IPPK: variants seen among roughly 807,000 people sequenced by gnomAD.
IPPK encodes inositol-pentakisphosphate 2-kinase.
IPPK carries 22 observed loss-of-function variants against 64.6 expected under a neutral mutation model. The observed-to-expected ratio is 0.34, with a 90% confidence interval of 0.24 to 0.49. The LOEUF is 0.49. Among genes scored for constraint, IPPK ranks in the 20% least tolerant of loss-of-function variants. IPPK has a pLI of 0.99. For synonymous variants in IPPK, 262 were observed against 247.2 expected (o/e 1.06, Z -0.56); for missense variants, 532 against 630.7 (o/e 0.84, Z 1.68).
In IPPK at chr9:92,615,592, A is replaced by G; in HGVS notation, c.*240T>C. ...AGAACGTCTTCCCAGGGCTTAACGGACACTTCCATTTTAAGAGTGTGAGCA... is the reference window on the plus strand; with the variant it reads ...AGAACGTCTTCCCAGGGCTTAACGGGCACTTCCATTTTAAGAGTGTGAGCA... On this transcript the variant is annotated 3_prime_UTR_variant, in exon 13 of 13. Coordinates refer to ENST00000287996, the MANE Select transcript of IPPK (RefSeq NM_022755.6). The G allele has an allele frequency of 2.0e-6, 1 of 499,868 alleles. No homozygotes were observed. Among genetic ancestry groups the G allele is most frequent in the Non-Finnish European group, 3.6e-6 (1 of 276,048 alleles). 31.0% of individuals were successfully genotyped at this position (499,868 alleles called of 1,614,324 possible).
chr9:92,640,296 GC>G (rs1852020642), intron 8 of IPPK, among the ~76,000 whole-genome samples: 1 of 90,522 alleles, frequency 1.1e-5, no homozygotes, highest in East Asian at 2.9e-4. Context: ...ACCCTGCCCA[GC>G]CCCACCCCCA....
chr9:92,628,406 T>A (rs1851773011), intron 11 of IPPK, among the ~76,000 whole-genome samples: 1 of 152,112 alleles, frequency 6.6e-6, no homozygotes, highest in African/African-American at 2.4e-5. Flanking sequence ...AACTCACACT[T>A]CTCCATTTCA....
At chr9:92,634,750 C>T (rs779954341) in intron 10 of IPPK, among the ~76,000 whole-genome samples, 3 of 152,164 alleles carry the variant, frequency 2.0e-5, no homozygotes, top group Non-Finnish European at 4.4e-5. Context: ...GGAAGACCAG[C>T]GAGGAAGGAA....
intron 11 of IPPK, among the ~76,000 whole-genome samples, chr9:92,623,168 C>T (rs1403359576): frequency 6.6e-6 from 1 of 152,162 alleles, no homozygotes; most frequent in Non-Finnish European, 1.5e-5. Context: ...GGCACAATGA[C>T]TCACACCTGT....
intron 6 of IPPK, among the ~76,000 whole-genome samples, chr9:92,644,392 AG>A (rs1852108610): frequency 1.3e-5 from 2 of 152,294 alleles, no homozygotes; most frequent in South Asian, 4.1e-4. Context: ...AGTGAAAACC[AG>A]CTGCCCAGCA....
At chr9:92,619,929 C>CAA in intron 11 of IPPK, 2 of 299,810 alleles carry the variant, frequency 6.7e-6, no homozygotes, top group South Asian at 4.1e-5. Flanking sequence ...TGGCCACACT[C>CAA]AGAGTATCAA....
intron 2 of IPPK, among the ~76,000 whole-genome samples, chr9:92,656,816 C>T (rs899420745): frequency 1.1e-4 from 17 of 152,156 alleles, no homozygotes; most frequent in African/African-American, 3.9e-4. Context: ...TGCCGCCTCC[C>T]GTCTGCCCTT....
intron 7 of IPPK, among the ~76,000 whole-genome samples, 187 bp from the exon 8 acceptor site, chr9:92,640,969 G>A (rs374991105): frequency 6.6e-6 from 1 of 152,114 alleles, no homozygotes; most frequent in African/African-American, 2.4e-5. Context: ...CTCCCTCCCC[G>A]GAGGGTCACA....
rs562627438 is a variant in IPPK, at chr9:92,633,905, T to G, written c.1170+481A>C. Among the ~76,000 whole-genome samples, 10 of 152,330 alleles carry G rather than the reference T, an allele frequency of 6.6e-5. No homozygotes were observed. In the South Asian group the frequency reaches 2.1e-3, roughly 32 times the overall value. On this transcript the variant is annotated intron_variant, in intron 11 of 12. Coordinates refer to ENST00000287996, the MANE Select transcript of IPPK (RefSeq NM_022755.6). ...ATCCAAGCTCATGGAGCCCTGAATT[T>G]CACAGACCCAGGAAGTACAGGGCCA...
chr9:92,663,378 T>C (rs1852527058), intron 1 of IPPK, among the ~76,000 whole-genome samples: 1 of 152,184 alleles, frequency 6.6e-6, no homozygotes, highest in Non-Finnish European at 1.5e-5. Flanking sequence ...GGCTCTACCA[T>C]CTAGGTGTGT....
intron 11 of IPPK, among the ~76,000 whole-genome samples, chr9:92,624,417 C>T (rs1851698412): frequency 6.6e-6 from 1 of 152,008 alleles, no homozygotes; most frequent in Admixed American, 6.5e-5. Flanking sequence ...CAAGATCGCA[C>T]CACTGCACTC....
intron 4 of IPPK, among the ~76,000 whole-genome samples, chr9:92,650,458 C>T (rs1420569574): frequency 6.6e-6 from 1 of 152,110 alleles, no homozygotes; most frequent in African/African-American, 2.4e-5. Flanking sequence ...TCAGCCATGT[C>T]GATGTGCCTG....
intron 11 of IPPK, chr9:92,619,846 G>A (rs1851571439): frequency 4.2e-6 from 2 of 476,518 alleles, no homozygotes; most frequent in Non-Finnish European, 7.7e-6. Flanking sequence ...TGAGACGGAT[G>A]ATCTGTCTTC....
intron 1 of IPPK, among the ~76,000 whole-genome samples, chr9:92,665,706 C>A (rs1455273346): frequency 1.3e-5 from 2 of 152,122 alleles, no homozygotes; most frequent in Non-Finnish European, 2.9e-5. Context: ...TCTTTTGTAA[C>A]CTGCTTTTTC....
In IPPK at chr9:92,634,450, A is replaced by C; in HGVS notation, c.1106T>G (p.Phe369Cys). ...GGAAAGGTCAAGCAGCTTCTGGTAAAATGCTTCATCATAAGGCCCATCTAT... is the reference window on the plus strand; with the variant it reads ...GGAAAGGTCAAGCAGCTTCTGGTAACATGCTTCATCATAAGGCCCATCTAT... ...LQIDGPYDEA[F>C]YQKLLDLSTE... is the part of the protein sequence containing the mutation. The change falls in exon 11 of 13, where the codon TTT (phenylalanine) becomes TGT (cysteine). Residue 369 changes from phenylalanine to cysteine, a missense_variant. Phe to Cys is a radical substitution (Grantham distance 205). Coordinates refer to ENST00000287996, the MANE Select transcript of IPPK (RefSeq NM_022755.6). The C allele has an allele frequency of 6.2e-7, 1 of 1,614,120 alleles. No homozygotes were observed. The highest frequency in any genetic ancestry group is 8.5e-7 in the Non-Finnish European group (1 of 1,179,954).
At position 92,646,888 on chromosome 9, in the gene IPPK, C is replaced by CA. The variant is rs1256296070; in HGVS notation, c.504+1170dup. On this transcript the variant is annotated intron_variant, in intron 6 of 12. Coordinates refer to ENST00000287996, the MANE Select transcript of IPPK (RefSeq NM_022755.6). ...CTGGGTGCAGAACGAGACTCCGTCT[C>CA]AAAAAAAATAAAAAAATAAAATTAG... 1.4e-4 allele frequency among the ~76,000 whole-genome samples: 21 copies of CA among 150,892 alleles called. No homozygotes were observed. The East Asian group carries it at 3.5e-3, about 25-fold the overall frequency.
At chr9:92,658,740 C>CA in intron 1 of IPPK, 59 bp from the exon 2 acceptor site, 1 of 1,509,682 alleles carries the variant, frequency 6.6e-7, no homozygotes, top group African/African-American at 1.4e-5. Context: ...CACAAGGTGT[C>CA]AGTCAGTTTG....
At chr9:92,630,926 C>G (rs1851828326) in intron 11 of IPPK, among the ~76,000 whole-genome samples, 1 of 152,146 alleles carries the variant, frequency 6.6e-6, no homozygotes. Context: ...GGTCAAAAAA[C>G]TATGGGCTGG....
intron 3 of IPPK, among the ~76,000 whole-genome samples, chr9:92,652,951 A>G (rs762031684): frequency 5.3e-5 from 8 of 152,136 alleles, no homozygotes; most frequent in Non-Finnish European, 7.4e-5. Context: ...TCTCGCCACA[A>G]AGCACCCCTT....
Sources: allele counts gnomAD v4.1 joint callset (sites outside exome capture counted in the v4.1 genomes callset), GRCh38; gene constraint gnomAD v4.1.1; transcripts MANE v1.5; gene names NCBI Gene and HGNC (gene_info 2026-07-23, HGNC 2026-07-21).